The following CCDC194 variants were observed in gnomAD, a reference collection of about 807,000 sequenced individuals.
The protein encoded by CCDC194 is coiled-coil domain containing 194, also known as coiled-coil domain-containing protein 194.
CCDC194 carries 8 observed loss-of-function variants against 4.9 expected under a neutral mutation model. The ratio of observed to expected loss-of-function variants is 1.65; its 90% CI spans 0.97 to 2.97. The LOEUF (loss-of-function observed/expected upper bound fraction) is 2.97. CCDC194 is among the 30% of genes most tolerant of loss of function. CCDC194 has a pLI of 0.00. For synonymous variants in CCDC194, 13 were observed against 17.0 expected, an observed-to-expected ratio of 0.76 and a Z score of 0.58; for missense variants, 52 against 43.1, an observed-to-expected ratio of 1.21 and a Z score of -0.58.
downstream of CCDC194, among the ~76,000 whole-genome samples, chr19:17,389,709 T>TA: frequency 6.6e-6 from 1 of 152,332 alleles, no homozygotes; most frequent in East Asian, 1.9e-4. Flanking sequence ...CTCACACCTG[T>TA]AATCCCAGCA....
At chr19:17,387,499 C>A (rs1171696524), downstream of CCDC194, among the ~76,000 whole-genome samples, 3 of 152,110 alleles carry the variant, frequency 2.0e-5, no homozygotes, top group African/African-American at 7.2e-5. Flanking sequence ...GGGTGGATCA[C>A]CCGAGGTTAG....
exon 1 of CCDC194, chr19:17,393,922 C>T: frequency 2.5e-6 from 1 of 397,138 alleles, no homozygotes; most frequent in South Asian, 1.3e-4. Flanking sequence ...GGGCCTCCTC[C>T]CGCTCGGCAG....
At chr19:17,394,025 C>A (rs927528843) in exon 1 of CCDC194, 2 of 389,702 alleles carry the variant, frequency 5.1e-6, no homozygotes, top group South Asian at 2.6e-4. Context: ...GCAGCGAGGT[C>A]CCCGAGCAGC....
downstream of CCDC194, among the ~76,000 whole-genome samples, chr19:17,387,304 T>C (rs986649321): frequency 1.3e-5 from 2 of 152,208 alleles, no homozygotes; most frequent in South Asian, 4.1e-4. Context: ...TGTGCAAGTA[T>C]GTCCCCCACC....
downstream of CCDC194, among the ~76,000 whole-genome samples, chr19:17,388,553 C>A (rs1014120066): frequency 5.9e-5 from 9 of 152,076 alleles, no homozygotes; most frequent in Admixed American, 3.9e-4. Context: ...GTGCATGCCA[C>A]CATGCCCAGC....
downstream of CCDC194, among the ~76,000 whole-genome samples, chr19:17,389,612 A>T (rs190381571): frequency 5.2e-4 from 79 of 152,284 alleles, no homozygotes; most frequent in South Asian, 6.0e-3. Flanking sequence ...CAATTAACAG[A>T]CTTGGCAATA....
At chr19:17,392,666 C>T (rs963216127) in intron 1 of CCDC194, among the ~76,000 whole-genome samples, 4 of 152,164 alleles carry the variant, frequency 2.6e-5, no homozygotes, top group East Asian at 1.9e-4. Flanking sequence ...CTCTTAACCT[C>T]GACTGCCCCA....
At chr19:17,391,275 C>G in exon 3 of CCDC194, 1 of 411,460 alleles carries the variant, frequency 2.4e-6, no homozygotes, top group Non-Finnish European at 4.3e-6. Flanking sequence ...GCCACGCCTG[C>G]GCGCCGCAGA....
chr19:17,387,918 ACTCT>A (rs2074641371), downstream of CCDC194, among the ~76,000 whole-genome samples: 1 of 151,164 alleles, frequency 6.6e-6, no homozygotes, highest in African/African-American at 2.4e-5. Flanking sequence ...ACAGAGTCTC[ACTCT>A]GTCACCCAGG....
At chr19:17,391,324 C>A in exon 3 of CCDC194, 1 of 430,610 alleles carries the variant, frequency 2.3e-6, no homozygotes, top group Non-Finnish European at 4.1e-6. Context: ...TGGCCGCCGC[C>A]TCCCAGCGCG....
chr19:17,393,695 G>C (rs529528396), intron 1 of CCDC194, 140 bp downstream of exon 1: 2 of 389,334 alleles, frequency 5.1e-6, no homozygotes, highest in South Asian at 1.4e-4. Context: ...AGGCATTAGG[G>C]CGCTATTCTC....
At position 17,390,634 on chromosome 19, in the gene CCDC194, G is replaced by A. The variant is rs2074650701; in HGVS notation, c.580C>T (p.Pro194Ser). Residue 194 changes from proline to serine, a missense_variant, in exon 4 of 4, where the codon CCA (proline) becomes TCA (serine). By Grantham distance (74) the Pro-to-Ser change is moderately conservative (BLOSUM62 -1). Coordinates refer to ENST00000636079, the Ensembl canonical transcript of CCDC194. This position sits in a 1 kb window ranked among gnomAD's most constrained non-coding sequence, Gnocchi z 5.5. Reference sequence around the variant, plus strand: ...CGCGGCCGGGGCACTCTGCGCTGTGGGCTCATCTCGGCTTCCAGGACGTTA... The same window carrying A: ...CGCGGCCGGGGCACTCTGCGCTGTGAGCTCATCTCGGCTTCCAGGACGTTA... 5.0e-6 allele frequency: 2 copies of A among 398,034 alleles called. No individual in the cohort carries two copies. 24.7% of individuals were successfully genotyped at this position (398,034 alleles called of 1,614,324 possible). A position where few individuals can be genotyped will look rare whatever the true frequency, so the allele number is the denominator to read the frequency against.
chr19:17,392,807 C>G (rs114923173), intron 1 of CCDC194, among the ~76,000 whole-genome samples: 3,765 of 152,260 alleles, frequency 0.025, 70 homozygotes, highest in Middle Eastern at 0.044. Flanking sequence ...TCACTGCAAC[C>G]TCCGCCTGGG....
chr19:17,392,870 CG>C (rs1478022012), intron 1 of CCDC194, among the ~76,000 whole-genome samples: 1 of 152,152 alleles, frequency 6.6e-6, no homozygotes, highest in African/African-American at 2.4e-5. Context: ...TTAGTAGAGA[CG>C]GGTTTTCACC....
At chr19:17,387,314 C>T (rs1373711811), downstream of CCDC194, among the ~76,000 whole-genome samples, 6 of 152,206 alleles carry the variant, frequency 3.9e-5, no homozygotes, top group East Asian at 5.8e-4. Flanking sequence ...TGTCCCCCAC[C>T]GATTCCCAGA....
downstream of CCDC194, among the ~76,000 whole-genome samples, chr19:17,388,193 CTTTTTTT>C (rs71162117): frequency 0.61 from 56,289 of 92,412 alleles, 17,735 homozygotes; most frequent in Non-Finnish European, 0.75. Flanking sequence ...TCTTTTTTTC[CTTTTTTT>C]TTTTTTTTTT....
chr19:17,390,567 C>G lies in CCDC194; in HGVS notation c.647G>C (p.Arg216Pro). 1 of 397,350 alleles carries G rather than the reference C, an allele frequency of 2.5e-6. No individual in the cohort carries two copies. Among genetic ancestry groups the G allele is most frequent in the Non-Finnish European group, 4.4e-6 (1 of 225,246 alleles). 24.6% of individuals were successfully genotyped at this position (397,350 alleles called of 1,614,324 possible). Residue 216 changes from arginine (R) to proline (P), a missense_variant, in exon 4 of 4, where the codon CGC becomes CCC. Physicochemically the swap from Arg to Pro is moderately radical, Grantham distance 103. Coordinates refer to ENST00000636079, the Ensembl canonical transcript of CCDC194. The surrounding 1 kb of genome is among the most constrained non-coding windows in gnomAD (Gnocchi z 5.5). Reference sequence around the variant, plus strand: ...GCCCCCGGAGGGTCCGGAGCGAGAGCGCGAGCGAGGGCTGGGCCGGGGTCG... The same window carrying G: ...GCCCCCGGAGGGTCCGGAGCGAGAGGGCGAGCGAGGGCTGGGCCGGGGTCG...
chr19:17,391,761 C>G, exon 2 of CCDC194: 1 of 1,535,718 alleles, frequency 6.5e-7, no homozygotes, highest in Non-Finnish European at 8.7e-7. Context: ...TGTCAGCGCC[C>G]CGTTCTCGGC....
chr19:17,391,070 C>T (rs1344382656), intron 3 of CCDC194, 141 bp downstream of exon 3: 3 of 345,754 alleles, frequency 8.7e-6, no homozygotes, highest in Non-Finnish European at 1.5e-5. Context: ...CAGGATCCCC[C>T]TATTAAATCA....
Sources: allele counts gnomAD v4.1 joint callset (sites outside exome capture counted in the v4.1 genomes callset), GRCh38; gene constraint gnomAD v4.1.1; non-coding constraint Gnocchi (gnomAD v3.1); transcripts MANE v1.5; gene names NCBI Gene and HGNC (gene_info 2026-07-23, HGNC 2026-07-21).